The following ZNF461 variants were observed in gnomAD, a reference collection of about 807,000 sequenced individuals.
ZNF461 encodes zinc finger protein 461.
ZNF461 carries 16 observed loss-of-function variants against 18.3 expected under a neutral mutation model. The ratio of observed to expected loss-of-function variants is 0.88; its 90% CI spans 0.59 to 1.33. The LOEUF (loss-of-function observed/expected upper bound fraction) is 1.33. ZNF461 is among the 40% of genes most tolerant of loss of function. The probability of loss-of-function intolerance (pLI) is 0.00; values close to 1 mark genes in which losing one functional copy is unlikely to be tolerated. For synonymous variants in ZNF461, 179 were observed against 216.9 expected, an observed-to-expected ratio of 0.83 and a Z score of 1.54; for missense variants, 595 against 669.9, an observed-to-expected ratio of 0.89 and a Z score of 1.23.
In ZNF461 at chr19:36,638,737, T is replaced by C. The variant is rs374770406; in HGVS notation, c.1608A>G (p.Gln536=). The C allele has an allele frequency of 1.1e-5, 17 of 1,613,884 alleles. No individual in the cohort carries two copies. In the Middle Eastern group the frequency reaches 4.9e-4, roughly 47 times the overall value. The change falls in exon 6 of 6, where the codon CAA becomes CAG. Residue 536 remains glutamine (Q), a synonymous_variant. Coordinates refer to ENST00000588268, the MANE Select transcript of ZNF461 (RefSeq NM_153257.5). ...QCGKAFNHRL[Q]LNLHQTLHTG... is the part of the protein sequence containing the mutation. Reference sequence around the variant, plus strand: ...TATGAAGAGTCTGATGTAAGTTAAGTTGTAATCTATGATTAAACGCCTTCC... The same window carrying C: ...TATGAAGAGTCTGATGTAAGTTAAGCTGTAATCTATGATTAAACGCCTTCC...
chr19:36,647,114 C>T (rs2037542171), intron 4 of ZNF461, among the ~76,000 whole-genome samples: 1 of 152,174 alleles, frequency 6.6e-6, no homozygotes, highest in South Asian at 2.1e-4. Flanking sequence ...ATGATTAGTG[C>T]TGCTATGAAC....
intron 4 of ZNF461, among the ~76,000 whole-genome samples, chr19:36,648,197 G>A (rs2037561946): frequency 1.3e-5 from 2 of 151,286 alleles, no homozygotes; most frequent in African/African-American, 4.9e-5. Context: ...AAAAGAAAAT[G>A]TGTGGCACCT....
intron 5 of ZNF461, among the ~76,000 whole-genome samples, chr19:36,641,021 A>G (rs2037414409): frequency 1.3e-5 from 2 of 152,194 alleles, no homozygotes; most frequent in Non-Finnish European, 2.9e-5. Context: ...AACAATTAGG[A>G]CATGCCAAAG....
At chr19:36,648,179 C>CA (rs997129523) in intron 4 of ZNF461, among the ~76,000 whole-genome samples, 46 of 141,864 alleles carry the variant, frequency 3.2e-4, no homozygotes, top group Middle Eastern at 3.6e-3. Context: ...AACTCCGTTT[C>CA]AAAAAAAAAA....
At chr19:36,644,713 G>C (rs536000918) in intron 4 of ZNF461, among the ~76,000 whole-genome samples, 1 of 151,836 alleles carries the variant, frequency 6.6e-6, no homozygotes, top group Non-Finnish European at 1.5e-5. Context: ...CTCTGCCTCA[G>C]CCTCCCAAGT....
intron 2 of ZNF461, among the ~76,000 whole-genome samples, chr19:36,660,317 T>A (rs957548237): frequency 7.9e-5 from 12 of 151,554 alleles, no homozygotes; most frequent in Non-Finnish European, 1.8e-4. Flanking sequence ...ACCCGGCTAG[T>A]TTTTGTATTT....
chr19:36,658,391 A>G lies in ZNF461; in HGVS notation c.44T>C (p.Val15Ala). The G allele has an allele frequency of 6.2e-7, 1 of 1,611,598 alleles. No individual in the cohort carries two copies. The highest frequency in any genetic ancestry group is 8.5e-7 in the Non-Finnish European group (1 of 1,178,650). Reference sequence around the variant, plus strand: ...CAGGCATTCCCATTCCTCCTGAGAGACATCTATAGCCACATCTCTGAACAT... The same window carrying G: ...CAGGCATTCCCATTCCTCCTGAGAGGCATCTATAGCCACATCTCTGAACAT... ...LVMFRDVAID[V>A]SQEEWECLNP... The change falls in exon 3 of 6, where the codon GTC (valine) becomes GCC (alanine). Residue 15 changes from valine (V) to alanine (A), a missense_variant. Coordinates refer to ENST00000588268, the MANE Select transcript of ZNF461 (RefSeq NM_153257.5).
At chr19:36,654,595 C>T (rs1162072276) in intron 4 of ZNF461, among the ~76,000 whole-genome samples, 1 of 152,014 alleles carries the variant, frequency 6.6e-6, no homozygotes, top group African/African-American at 2.4e-5. Flanking sequence ...TGGTCTCAAA[C>T]TCCTAGGCTC....
intron 5 of ZNF461, among the ~76,000 whole-genome samples, chr19:36,642,009 G>C (rs35168065): frequency 6.6e-6 from 1 of 152,072 alleles, no homozygotes; most frequent in Non-Finnish European, 1.5e-5. Context: ...CTGCAGGCCC[G>C]ACCTCCTGAG....
intron 2 of ZNF461, 191 bp from the exon 3 acceptor site, chr19:36,658,616 AT>A (rs1847683407): frequency 2.2e-6 from 1 of 457,656 alleles, no homozygotes; most frequent in African/African-American, 2.0e-5. Flanking sequence ...TAAACAATTC[AT>A]TTTCTGCAGA....
At chr19:36,641,899 T>C (rs1397337488) in intron 5 of ZNF461, among the ~76,000 whole-genome samples, 2 of 151,958 alleles carry the variant, frequency 1.3e-5, no homozygotes, top group Non-Finnish European at 2.9e-5. Context: ...AGTAAGTCAT[T>C]TATTATTATT....
intron 1 of ZNF461, among the ~76,000 whole-genome samples, chr19:36,664,995 G>C (rs747699798): frequency 5.9e-5 from 9 of 152,158 alleles, no homozygotes; most frequent in Non-Finnish European, 1.2e-4. Flanking sequence ...ATAGACTCAA[G>C]AAAAGCAAGG....
intron 5 of ZNF461, among the ~76,000 whole-genome samples, chr19:36,642,272 G>A (rs2037439151): frequency 1.3e-5 from 2 of 152,082 alleles, no homozygotes; most frequent in African/African-American, 2.4e-5. Context: ...GATTAACTGA[G>A]CTCAGCCAGG....
At chr19:36,646,855 T>C (rs2037537821) in intron 4 of ZNF461, among the ~76,000 whole-genome samples, 1 of 152,244 alleles carries the variant, frequency 6.6e-6, no homozygotes, top group African/African-American at 2.4e-5. Context: ...ATATAGTTTA[T>C]TATTTTTAAA....
chr19:36,650,591 A>G (rs1190202913), intron 4 of ZNF461, among the ~76,000 whole-genome samples: 2 of 152,256 alleles, frequency 1.3e-5, no homozygotes, highest in South Asian at 4.1e-4. Context: ...TAAGGCCAGT[A>G]TTACTCTGAT....
rs80018130 is a variant in ZNF461, at chr19:36,637,830, G to C, written c.*823C>G. The C allele has an allele frequency of 2.3e-6, 1 of 433,556 alleles. No homozygotes were observed. The highest frequency in any genetic ancestry group is 4.6e-6 in the Non-Finnish European group (1 of 217,074). 26.9% of individuals were successfully genotyped at this position (433,556 alleles called of 1,614,324 possible). On this transcript the variant is annotated 3_prime_UTR_variant, in exon 6 of 6. Transcript: ENST00000588268. Reference sequence around the variant, plus strand: ...TTAGAATAAAAGGAAACTGATAGCAGTTGTTGCATCTGTGGAAAGTGAGTG... The same window carrying C: ...TTAGAATAAAAGGAAACTGATAGCACTTGTTGCATCTGTGGAAAGTGAGTG...
chr19:36,639,359 T>C lies in ZNF461; in HGVS notation c.986A>G (p.Tyr329Cys), dbSNP rs769036285. 1.2e-5 allele frequency: 19 copies of C among 1,614,098 alleles called. No individual in the cohort carries two copies. Among genetic ancestry groups the C allele is most frequent in the Non-Finnish European group, 1.5e-5 (18 of 1,180,014 alleles). The change falls in exon 6 of 6, where the codon TAT becomes TGT. Residue 329 changes from tyrosine to cysteine, a missense_variant. By Grantham distance (194) the Tyr-to-Cys change is radical. Transcript: ENST00000588268. Reference sequence around the variant, plus strand: ...AGCCTTCCCACATTGCTTACATTCATAGGGTTTTTCACCAGTATGAAGTCT... The same window carrying C: ...AGCCTTCCCACATTGCTTACATTCACAGGGTTTTTCACCAGTATGAAGTCT... ...HQRLHTGEKP[Y>C]ECKQCGKAFI...
At chr19:36,644,744 G>A (rs1198174914) in intron 4 of ZNF461, among the ~76,000 whole-genome samples, 2 of 151,814 alleles carry the variant, frequency 1.3e-5, no homozygotes, top group African/African-American at 2.4e-5. Flanking sequence ...ACAGGCACAT[G>A]CCACCACATC....
intron 4 of ZNF461, among the ~76,000 whole-genome samples, chr19:36,646,148 G>A (rs1265066692): frequency 2.0e-5 from 3 of 148,702 alleles, no homozygotes; most frequent in Non-Finnish European, 4.4e-5. Flanking sequence ...GTTGTTGATT[G>A]AGATGGAGTT....
Sources: allele counts gnomAD v4.1 joint callset (sites outside exome capture counted in the v4.1 genomes callset), GRCh38; gene constraint gnomAD v4.1.1; transcripts MANE v1.5; gene names NCBI Gene and HGNC (gene_info 2026-07-23, HGNC 2026-07-21).